The following LYPD6 variants were observed in gnomAD, a reference collection of about 807,000 sequenced individuals.
LYPD6 encodes LY6/PLAUR domain containing 6.
Under a neutral mutation model 22.7 loss-of-function variants are expected in LYPD6, and 15 were observed. The observed-to-expected ratio is 0.66, with a 90% CI of 0.44 to 1.02. The LOEUF is 1.02. Ranked by LOEUF, LYPD6 falls within the 50% of genes least tolerant of loss-of-function variation. The pLI is 0.00. For missense variants in LYPD6, 189 were observed against 208.4 expected (o/e 0.91, Z 0.57); for synonymous variants, 72 against 77.5 (o/e 0.93, Z 0.37).
chr2:149,388,176 C>CTTTTTTTT (rs1559134037), intron 1 of LYPD6, among the ~76,000 whole-genome samples: 2 of 96,548 alleles, frequency 2.1e-5, no homozygotes. Context: ...TTCTCTCTCT[C>CTTTTTTTT]TCTCTTTTTT....
chr2:149,469,424 A>G (rs1274705460), intron 4 of LYPD6, among the ~76,000 whole-genome samples: 2 of 152,180 alleles, frequency 1.3e-5, no homozygotes, highest in African/African-American at 2.4e-5. Flanking sequence ...ACGTGTGTCT[A>G]TACATGTCTA....
rs55856735 is a variant in LYPD6 at position 149,335,313 on chromosome 2, G to A, written c.-72+4591G>A. ...CAGTGATATTGATGATCGTAATCCC[G>A]TATAGGCCCAGCCTAATGTGTGTGC... On this transcript the variant is annotated intron_variant, in intron 1 of 4. Coordinates refer to ENST00000334166, the MANE Select transcript of LYPD6 (RefSeq NM_194317.5). Among the ~76,000 whole-genome samples, 955 of 152,058 alleles carry A rather than the reference G, an allele frequency of 6.3e-3. 10 individuals are homozygous for A. The highest frequency in any genetic ancestry group is 0.019 in the African/African-American group (797 of 41,476).
intron 2 of LYPD6, among the ~76,000 whole-genome samples, chr2:149,442,006 T>G (rs1274424847): frequency 6.6e-6 from 1 of 152,196 alleles, no homozygotes; most frequent in Non-Finnish European, 1.5e-5. Context: ...ACGTAAGTCT[T>G]AGAGAGTAAG....
At chr2:149,414,324 A>T (rs1021933978) in intron 1 of LYPD6, among the ~76,000 whole-genome samples, 1 of 152,232 alleles carries the variant, frequency 6.6e-6, no homozygotes, top group Non-Finnish European at 1.5e-5. Flanking sequence ...TATTTCTTAA[A>T]TTCTCACATT....
chr2:149,363,165 C>T (rs1480450829), intron 1 of LYPD6, among the ~76,000 whole-genome samples: 1 of 152,148 alleles, frequency 6.6e-6, no homozygotes, highest in Non-Finnish European at 1.5e-5. Flanking sequence ...CCATCAACAG[C>T]ACTTACATGT....
At chr2:149,340,538 C>T (rs1298374050) in intron 1 of LYPD6, among the ~76,000 whole-genome samples, 1 of 152,134 alleles carries the variant, frequency 6.6e-6, no homozygotes, top group Non-Finnish European at 1.5e-5. Flanking sequence ...CAGTTGCTAC[C>T]TGTGTGACCT....
chr2:149,452,866 T>C (rs908161243), intron 3 of LYPD6, among the ~76,000 whole-genome samples: 1 of 152,224 alleles, frequency 6.6e-6, no homozygotes, highest in African/African-American at 2.4e-5. Context: ...CTTTTGGCAG[T>C]GGCGGCATCA....
chr2:149,343,013 T>C (rs1350621237), intron 1 of LYPD6, among the ~76,000 whole-genome samples: 1 of 152,240 alleles, frequency 6.6e-6, no homozygotes, highest in African/African-American at 2.4e-5. Context: ...AGACATGTAC[T>C]GTCTATAATG....
At chr2:149,364,173 G>A (rs148473291) in intron 1 of LYPD6, among the ~76,000 whole-genome samples, 17 of 152,228 alleles carry the variant, frequency 1.1e-4, no homozygotes, top group Middle Eastern at 3.4e-3. Flanking sequence ...AGAATCTTAG[G>A]CCAGTGTTGA....
intron 3 of LYPD6, among the ~76,000 whole-genome samples, chr2:149,462,570 C>T (rs1019914549): frequency 6.6e-6 from 1 of 150,794 alleles, no homozygotes; most frequent in African/African-American, 2.4e-5. Context: ...AAGTGTTCTA[C>T]AGTTTATATG....
At chr2:149,484,026 C>G in the LYPD6 span, among the ~76,000 whole-genome samples, 1 of 152,118 alleles carries the variant, frequency 6.6e-6, no homozygotes, top group Non-Finnish European at 1.5e-5. Context: ...TGTTGAGGCT[C>G]AAAAGAGATC....
chr2:149,436,321 C>T (rs570880942), intron 1 of LYPD6, among the ~76,000 whole-genome samples: 13 of 152,196 alleles, frequency 8.5e-5, no homozygotes, highest in Middle Eastern at 3.4e-3. Context: ...ACCTTGACTC[C>T]TTGCAGAGCA....
intron 1 of LYPD6, among the ~76,000 whole-genome samples, chr2:149,392,814 C>T (rs184467302): frequency 5.3e-4 from 81 of 152,098 alleles, no homozygotes; most frequent in African/African-American, 1.9e-3. Context: ...TCACAAGGTC[C>T]GGAGTTCAAG....
intron 2 of LYPD6, among the ~76,000 whole-genome samples, chr2:149,446,257 A>G (rs1030852530): frequency 6.6e-6 from 1 of 152,226 alleles, no homozygotes; most frequent in African/African-American, 2.4e-5. Context: ...TACAAAAGTA[A>G]TGGAAAAGTT....
At chr2:149,390,663 C>G (rs902555494) in intron 1 of LYPD6, among the ~76,000 whole-genome samples, 7 of 152,252 alleles carry the variant, frequency 4.6e-5, no homozygotes, top group Admixed American at 2.0e-4. Flanking sequence ...CTCAGTACCT[C>G]AATTCTTATG....
intron 1 of LYPD6, among the ~76,000 whole-genome samples, chr2:149,389,039 A>T (rs1246889244): frequency 1.3e-5 from 2 of 152,158 alleles, no homozygotes; most frequent in Admixed American, 6.5e-5. Context: ...ATCAGGTTAC[A>T]GCATAGGATT....
At chr2:149,336,769 A>C (rs1681042273) in intron 1 of LYPD6, among the ~76,000 whole-genome samples, 1 of 152,210 alleles carries the variant, frequency 6.6e-6, no homozygotes, top group African/African-American at 2.4e-5. Flanking sequence ...TATGAAAATA[A>C]GATTTAGTAT....
chr2:149,363,802 A>G (rs915410465), intron 1 of LYPD6, among the ~76,000 whole-genome samples: 4 of 152,010 alleles, frequency 2.6e-5, no homozygotes, highest in African/African-American at 9.7e-5. Context: ...TCTTTTGCAG[A>G]TTTCCTCATA....
At chr2:149,354,328 C>G (rs982635176) in intron 1 of LYPD6, among the ~76,000 whole-genome samples, 3 of 152,146 alleles carry the variant, frequency 2.0e-5, no homozygotes, top group African/African-American at 7.2e-5. Flanking sequence ...CTGCCTCAGC[C>G]TCCTGAGTAG....
Sources: gnomAD v4.1 joint callset for allele counts (sites outside exome capture counted in the v4.1 genomes callset) on GRCh38, gnomAD v4.1.1 for gene constraint, MANE v1.5 for transcripts, NCBI Gene and HGNC (gene_info 2026-07-23, HGNC 2026-07-21) for gene names.